CGGBP1: variants seen among roughly 807,000 people sequenced by gnomAD.
CGGBP1 encodes the protein CGG triplet repeat-binding protein 1.
In CGGBP1, 4 loss-of-function variants were observed where a neutral mutation model predicts 11.4. The ratio of observed to expected loss-of-function variants is 0.35; its 90% confidence interval spans 0.17 to 0.80. The LOEUF (loss-of-function observed/expected upper bound fraction) is 0.80, where lower values mean the gene tolerates loss of function less well. Ranked by LOEUF, CGGBP1 falls within the 30% of genes least tolerant of loss-of-function variation. The pLI is 0.52. For synonymous variants in CGGBP1, 76 were observed against 74.1 expected (o/e 1.03, Z -0.13); for missense variants, 135 against 202.1 (o/e 0.67, Z 2.01).
At chr3:88,145,940 A>G (rs1223829985) in intron 1 of CGGBP1, among the ~76,000 whole-genome samples, 1 of 152,178 alleles carries the variant, frequency 6.6e-6, no homozygotes, top group Non-Finnish European at 1.5e-5. Context: ...GATGTGTCCT[A>G]AAACCATGTT....
At chr3:88,059,413 G>A, upstream of CGGBP1, 1 of 1,531,274 alleles carries the variant, frequency 6.5e-7, no homozygotes, top group South Asian at 1.2e-5. Context: ...GGGGCTTAGA[G>A]CTGCGGGCGA....
chr3:88,073,695 G>GT (rs1464520124), intron 2 of CGGBP1, among the ~76,000 whole-genome samples: 1 of 152,146 alleles, frequency 6.6e-6, no homozygotes, highest in Non-Finnish European at 1.5e-5. Flanking sequence ...AATAATTAAG[G>GT]TATCTAAATG....
At chr3:88,082,631 G>A (rs1380490708) in intron 2 of CGGBP1, among the ~76,000 whole-genome samples, 1 of 152,164 alleles carries the variant, frequency 6.6e-6, no homozygotes, top group African/African-American at 2.4e-5. Flanking sequence ...CTGTGTTATT[G>A]ATCTAGTCTG....
At chr3:88,129,635 G>T in intron 2 of CGGBP1, 1 of 1,297,076 alleles carries the variant, frequency 7.7e-7, no homozygotes, top group African/African-American at 1.5e-5. Flanking sequence ...ATTGCAACTA[G>T]CTTCTTAGAT....
At chr3:88,080,029 CT>C (rs1018225921) in intron 2 of CGGBP1, among the ~76,000 whole-genome samples, 11 of 150,912 alleles carry the variant, frequency 7.3e-5, no homozygotes, top group African/African-American at 1.2e-4. Context: ...ACAAGTGACT[CT>C]TTTTTTTTCC....
At chr3:88,111,556 ATT>A (rs1705090671) in intron 2 of CGGBP1, among the ~76,000 whole-genome samples, 2 of 151,932 alleles carry the variant, frequency 1.3e-5, no homozygotes, top group African/African-American at 2.4e-5. Flanking sequence ...TTTGTATTAT[ATT>A]TCATTGTATG....
intron 2 of CGGBP1, among the ~76,000 whole-genome samples, chr3:88,068,092 A>G (rs1707306013): frequency 6.6e-6 from 1 of 152,296 alleles, no homozygotes; most frequent in East Asian, 1.9e-4. Context: ...AAGTTCATCT[A>G]TTAAGAGTAC....
At chr3:88,096,538 T>G (rs1314957256) in intron 2 of CGGBP1, among the ~76,000 whole-genome samples, 3 of 152,122 alleles carry the variant, frequency 2.0e-5, no homozygotes, top group African/African-American at 7.2e-5. Flanking sequence ...GGAAGACATT[T>G]CCACTGATTA....
intron 2 of CGGBP1, among the ~76,000 whole-genome samples, chr3:88,074,138 A>G (rs1249062557): frequency 1.3e-5 from 2 of 152,312 alleles, no homozygotes; most frequent in East Asian, 3.9e-4. Context: ...ATTAAAGTCT[A>G]GAGTCTAAAG....
At position 88,053,470 on chromosome 3, in the gene CGGBP1, AACT is replaced by A. The variant is rs2107555225; in HGVS notation, c.*2000_*2002del. ...TTTAAGTGATTATCAAATCAGTAGT[AACT>A]ACTAAAACTTAAATATGAATTATTG... On this transcript the variant is annotated 3_prime_UTR_variant, in exon 4 of 4. Transcript: ENST00000482016. 1 of 152,300 alleles carries A rather than the reference AACT, an allele frequency of 6.6e-6. No individual in the cohort carries two copies. Among genetic ancestry groups the A allele is most frequent in the African/African-American group, 2.4e-5 (1 of 41,578 alleles). The allele number at this position is 152,300 out of a possible 1,614,324, so 9.4% of individuals were successfully genotyped here.
chr3:88,140,346 A>G (rs1479965470), intron 2 of CGGBP1: 8 of 1,613,562 alleles, frequency 5.0e-6, no homozygotes, highest in Non-Finnish European at 5.1e-6. Flanking sequence ...GACAGACTCA[A>G]ATCCTAATCA....
At chr3:88,148,346 T>C (rs192311576) in intron 1 of CGGBP1, among the ~76,000 whole-genome samples, 2 of 152,318 alleles carry the variant, frequency 1.3e-5, no homozygotes, top group Admixed American at 1.3e-4. Context: ...ACATTTTTAA[T>C]GAACGAATGA....
intron 2 of CGGBP1, among the ~76,000 whole-genome samples, chr3:88,119,422 T>C (rs1393553239): frequency 7.3e-6 from 1 of 136,252 alleles, no homozygotes. Flanking sequence ...GGGATAGCAT[T>C]GGGAGATATA....
intron 3 of CGGBP1, 53 bp from the exon 4 acceptor site, chr3:88,056,052 A>G: frequency 7.4e-7 from 1 of 1,349,036 alleles, no homozygotes; most frequent in Non-Finnish European, 1.0e-6. Flanking sequence ...TTCATTCTGG[A>G]AGTAATGAAC....
intron 2 of CGGBP1, among the ~76,000 whole-genome samples, chr3:88,106,770 ATAGT>A (rs1267580321): frequency 1.3e-5 from 2 of 152,162 alleles, no homozygotes; most frequent in East Asian, 3.9e-4. Context: ...GTTTCTTATC[ATAGT>A]TAAACATTTC....
intron 2 of CGGBP1, among the ~76,000 whole-genome samples, chr3:88,128,565 G>T (rs1287653271): frequency 1.3e-5 from 2 of 151,956 alleles, no homozygotes; most frequent in African/African-American, 4.8e-5. Context: ...TTTTGTTTCT[G>T]TTATTTACTT....
upstream of CGGBP1, among the ~76,000 whole-genome samples, chr3:88,059,835 T>C (rs1706749473): frequency 6.6e-6 from 1 of 152,140 alleles, no homozygotes; most frequent in South Asian, 2.1e-4. Context: ...AGTCCCGCCT[T>C]TCTTATGTTT....
At chr3:88,066,386 C>T (rs1023032511) in intron 2 of CGGBP1, among the ~76,000 whole-genome samples, 13 of 152,054 alleles carry the variant, frequency 8.5e-5, no homozygotes, top group African/African-American at 3.1e-4. Flanking sequence ...CCAGCCTGGG[C>T]AACATGGTGA....
intron 2 of CGGBP1, among the ~76,000 whole-genome samples, chr3:88,127,462 A>T (rs1421445044): frequency 1.3e-5 from 2 of 152,050 alleles, no homozygotes; most frequent in Non-Finnish European, 2.9e-5. Context: ...AAAAACTAAA[A>T]GGGAGAGAGT....
Sources: gnomAD v4.1 joint callset for allele counts (sites outside exome capture counted in the v4.1 genomes callset) on GRCh38, gnomAD v4.1.1 for gene constraint, MANE v1.5 for transcripts, NCBI Gene and HGNC (gene_info 2026-07-23, HGNC 2026-07-21) for gene names.